The following NTM variants were observed in gnomAD, a reference collection of about 807,000 sequenced individuals.
NTM encodes neurotrimin.
A neutral mutation model predicts 42.1 loss-of-function variants in NTM; 13 were observed. The ratio of observed to expected loss-of-function variants is 0.31; its 90% CI spans 0.20 to 0.49. The LOEUF (loss-of-function observed/expected upper bound fraction) is 0.49, where lower values mean the gene tolerates loss of function less well. Ranked by LOEUF, NTM falls within the 20% of genes least tolerant of loss-of-function variation. The probability of loss-of-function intolerance (pLI) is 0.99; values close to 1 mark genes in which losing one functional copy is unlikely to be tolerated. For missense variants in NTM, 373 were observed against 452.8 expected (o/e 0.82, Z 1.60); for synonymous variants, 187 against 179.2 (o/e 1.04, Z -0.35).
chr11:132,319,202 G>A (rs1038227074), intron 7 of NTM, among the ~76,000 whole-genome samples: 1 of 152,182 alleles, frequency 6.6e-6, no homozygotes, highest in Non-Finnish European at 1.5e-5. Flanking sequence ...CGACGCAAAA[G>A]ACAGGTGATT....
rs139699214 is a variant in NTM, at chr11:131,583,169, G to A, written c.82+212281G>A. Among the ~76,000 whole-genome samples, 658 of 152,248 alleles carry A rather than the reference G, an allele frequency of 4.3e-3. 4 individuals carry two copies. The highest frequency in any genetic ancestry group is 0.015 in the African/African-American group (634 of 41,536). ...ACCAACAGAGCAGATTATGTTCCATGTTCTTCCAATTGGATTCAGGTCCCT... is the reference window on the plus strand; with the variant it reads ...ACCAACAGAGCAGATTATGTTCCATATTCTTCCAATTGGATTCAGGTCCCT... On this transcript the variant is annotated intron_variant, in intron 1 of 8. Coordinates refer to ENST00000683400, the MANE Select transcript of NTM (RefSeq NM_001352005.2).
Position 131,792,506 on chromosome 11 carries a change from C to T in NTM, c.83-119058C>T, listed in dbSNP as rs371810025. On this transcript the variant is annotated intron_variant, in intron 1 of 8. Transcript: ENST00000683400. ...ATTCCCACTCTACACCTTGGGTGTT[C>T]GAGTCCCACAATAATCAAACCTCAT... 4.3e-4 allele frequency among the ~76,000 whole-genome samples: 66 copies of T among 152,232 alleles called. 2 individuals are homozygous for T. Among genetic ancestry groups the T allele is most frequent in the African/African-American group, 1.0e-3 (42 of 41,560 alleles).
intron 1 of NTM, among the ~76,000 whole-genome samples, chr11:131,489,282 T>A (rs60064107): frequency 0.042 from 6,371 of 152,290 alleles, 448 homozygotes; most frequent in African/African-American, 0.14. Context: ...CTTGCTTTTT[T>A]CCCCGTAGAA....
chr11:131,935,947 A>G (rs936441789), intron 2 of NTM, among the ~76,000 whole-genome samples: 12 of 152,306 alleles, frequency 7.9e-5, no homozygotes, highest in Admixed American at 6.5e-5. Flanking sequence ...AAGTACCAGC[A>G]TTGTAATTTT....
intron 1 of NTM, among the ~76,000 whole-genome samples, chr11:131,772,675 G>A (rs1241641012): frequency 1.3e-5 from 2 of 152,192 alleles, no homozygotes; most frequent in Non-Finnish European, 2.9e-5. Context: ...TTAGCCTTGT[G>A]AGATTCTGAG....
At chr11:131,635,522 G>T (rs184231716) in intron 1 of NTM, among the ~76,000 whole-genome samples, 6 of 152,046 alleles carry the variant, frequency 3.9e-5, no homozygotes, top group African/African-American at 1.2e-4. Flanking sequence ...ACTGTATGAC[G>T]TGTGTACTAA....
chr11:132,253,036 A>AC (rs1566584479), intron 4 of NTM, among the ~76,000 whole-genome samples: 1 of 152,234 alleles, frequency 6.6e-6, no homozygotes, highest in Non-Finnish European at 1.5e-5. Flanking sequence ...TGTTGATTCT[A>AC]AAGCCATAGT....
chr11:131,666,067 A>G (rs1453584983), intron 1 of NTM, among the ~76,000 whole-genome samples: 2 of 152,262 alleles, frequency 1.3e-5, no homozygotes, highest in African/African-American at 2.4e-5. Flanking sequence ...CTACATATTC[A>G]CTAAAGTCAC....
intron 1 of NTM, among the ~76,000 whole-genome samples, chr11:131,586,681 G>A (rs563191734): frequency 6.6e-6 from 1 of 152,134 alleles, no homozygotes; most frequent in South Asian, 2.1e-4. Context: ...ACAGTTTGTT[G>A]TTTTAGGCTG....
At chr11:131,402,847 T>C (rs911708945) in intron 1 of NTM, among the ~76,000 whole-genome samples, 9 of 152,188 alleles carry the variant, frequency 5.9e-5, no homozygotes, top group African/African-American at 2.2e-4. Flanking sequence ...ATCAAAGGGC[T>C]GTATCATAGG....
intron 2 of NTM, among the ~76,000 whole-genome samples, chr11:131,978,970 T>C (rs939641534): frequency 1.3e-5 from 2 of 152,160 alleles, no homozygotes; most frequent in Non-Finnish European, 2.9e-5. Flanking sequence ...TTGTCTGGGT[T>C]CCAGTCTAAC....
chr11:131,661,131 C>T, intron 1 of NTM: 5 of 957,142 alleles, frequency 5.2e-6, no homozygotes, highest in Non-Finnish European at 7.3e-6. Context: ...TTCCTTTCCT[C>T]AGGACGGAAG....
chr11:131,603,662 G>A (rs2137447662), intron 1 of NTM, among the ~76,000 whole-genome samples: 1 of 152,296 alleles, frequency 6.6e-6, no homozygotes, highest in Non-Finnish European at 1.5e-5. Context: ...AGGAAATTAT[G>A]TGCCCATTAA....
At chr11:131,386,636 T>C (rs1943349334) in intron 1 of NTM, among the ~76,000 whole-genome samples, 1 of 152,226 alleles carries the variant, frequency 6.6e-6, no homozygotes. Flanking sequence ...AGTGTGTGTT[T>C]GCACACACCT....
chr11:131,480,175 C>G lies in NTM; in HGVS notation c.82+109287C>G, dbSNP rs1262898473. ...CACTTTCTTAAATTTCGTACTGAGTCAAGTGCTTCAACCTACTCCTGGCCT... is the reference window on the plus strand; with the variant it reads ...CACTTTCTTAAATTTCGTACTGAGTGAAGTGCTTCAACCTACTCCTGGCCT... On this transcript the variant is annotated intron_variant, in intron 1 of 8. Coordinates refer to ENST00000683400, the MANE Select transcript of NTM (RefSeq NM_001352005.2). Among the ~76,000 whole-genome samples the G allele has an allele frequency of 2.1e-5, 3 of 144,530 alleles. No individual in the cohort carries two copies. The Admixed American group carries it at 2.1e-4, about 10-fold the overall frequency. 94.8% of individuals were successfully genotyped at this position (144,530 alleles called of 152,430 possible). A position where few individuals can be genotyped will look rare whatever the true frequency, so the allele number is the denominator to read the frequency against.
chr11:132,210,569 T>C (rs2082672921), intron 3 of NTM, among the ~76,000 whole-genome samples: 1 of 152,192 alleles, frequency 6.6e-6, no homozygotes, highest in Non-Finnish European at 1.5e-5. Flanking sequence ...GGGAGCTCAG[T>C]AAATGACATC....
At chr11:132,256,320 C>A (rs1442039060) in intron 4 of NTM, among the ~76,000 whole-genome samples, 1 of 152,228 alleles carries the variant, frequency 6.6e-6, no homozygotes. Flanking sequence ...CTGAAATGAG[C>A]AACGCCCATC....
At chr11:131,461,102 A>G (rs1951332209) in intron 1 of NTM, among the ~76,000 whole-genome samples, 1 of 152,208 alleles carries the variant, frequency 6.6e-6, no homozygotes, top group Non-Finnish European at 1.5e-5. Flanking sequence ...AGATGAGGGT[A>G]TCGGTTGCAA....
rs181394181 is a variant in NTM, at chr11:131,386,598, T to C, written c.82+15710T>C. 7.9e-5 allele frequency among the ~76,000 whole-genome samples: 12 copies of C among 152,348 alleles called. No individual in the cohort carries two copies. The East Asian group carries it at 2.3e-3, about 29-fold the overall frequency. On this transcript the variant is annotated intron_variant, in intron 1 of 8. Coordinates refer to ENST00000683400, the MANE Select transcript of NTM (RefSeq NM_001352005.2). ...AGGAGTTCGCATTTGCTGGCTTTTA[T>C]TTGCCCTGAGTATATTGCAGGGAAA... is the stretch of plus-strand genomic sequence containing the variant.
Sources: allele counts gnomAD v4.1 joint callset (sites outside exome capture counted in the v4.1 genomes callset), GRCh38; gene constraint gnomAD v4.1.1; transcripts MANE v1.5; gene names NCBI Gene and HGNC (gene_info 2026-07-23, HGNC 2026-07-21).